The following RAB3C variants were observed in gnomAD, a reference collection of about 807,000 sequenced individuals.
RAB3C encodes RAB3C, member RAS oncogene family.
RAB3C carries 17 observed loss-of-function variants against 26.4 expected under a neutral mutation model. The observed-to-expected ratio is 0.64, with a 90% confidence interval of 0.44 to 0.97. The LOEUF is 0.97. Ranked by LOEUF, RAB3C falls within the 50% of genes least tolerant of loss-of-function variation. The probability of loss-of-function intolerance (pLI) is 0.00; values close to 1 mark genes in which losing one functional copy is unlikely to be tolerated. For synonymous variants in RAB3C, 91 were observed against 95.9 expected (o/e 0.95, Z 0.30); for missense variants, 242 against 281.9 (o/e 0.86, Z 1.01).
chr5:58,620,789 T>A (rs1032928739), intron 2 of RAB3C, among the ~76,000 whole-genome samples: 2 of 152,150 alleles, frequency 1.3e-5, no homozygotes, highest in Non-Finnish European at 1.5e-5. Flanking sequence ...TGGTGGTTAT[T>A]TTTTTTGAAA....
chr5:58,597,192 TATA>T (rs1746327647), intron 1 of RAB3C, among the ~76,000 whole-genome samples: 3 of 97,742 alleles, frequency 3.1e-5, no homozygotes, highest in South Asian at 3.4e-4. Context: ...TAATATATTA[TATA>T]ATAATATATA....
chr5:58,714,437 G>A (rs564761255), intron 2 of RAB3C, among the ~76,000 whole-genome samples: 104 of 152,076 alleles, frequency 6.8e-4, no homozygotes, highest in African/African-American at 9.4e-4. Context: ...ATTTATTACC[G>A]GCAGACCTTC....
intron 1 of RAB3C, among the ~76,000 whole-genome samples, chr5:58,594,440 G>A (rs1029403610): frequency 4.6e-5 from 7 of 152,168 alleles, no homozygotes; most frequent in African/African-American, 1.7e-4. Context: ...GGGTGGGTTT[G>A]TTCTTTGTAA....
chr5:58,693,192 A>G (rs1394205530), intron 2 of RAB3C, among the ~76,000 whole-genome samples: 2 of 146,776 alleles, frequency 1.4e-5, no homozygotes, highest in Non-Finnish European at 3.0e-5. Flanking sequence ...AGATAAGTTT[A>G]TAATTATATA....
chr5:58,596,883 A>T (rs976011797), intron 1 of RAB3C, among the ~76,000 whole-genome samples: 49 of 97,984 alleles, frequency 5.0e-4, no homozygotes, highest in Middle Eastern at 0.014. Flanking sequence ...AATATATAAT[A>T]CATAATATAT....
At chr5:58,822,883 G>T (rs1241669866) in intron 3 of RAB3C, 2 of 639,446 alleles carry the variant, frequency 3.1e-6, no homozygotes, top group Non-Finnish European at 5.9e-6. Flanking sequence ...AAGTGGAGAT[G>T]ACTGGAGATT....
chr5:58,584,643 A>G (rs1231277083), intron 1 of RAB3C, among the ~76,000 whole-genome samples: 1 of 152,192 alleles, frequency 6.6e-6, no homozygotes, highest in African/African-American at 2.4e-5. Flanking sequence ...GTAGACTTTA[A>G]AAGTAGATCA....
At chr5:58,849,588 C>G (rs1028018301) in intron 4 of RAB3C, among the ~76,000 whole-genome samples, 3 of 152,006 alleles carry the variant, frequency 2.0e-5, no homozygotes, top group African/African-American at 7.3e-5. Flanking sequence ...TCCAGAGAGA[C>G]AAAAGGAAAG....
intron 1 of RAB3C, among the ~76,000 whole-genome samples, chr5:58,587,660 C>A (rs566347707): frequency 1.1e-3 from 174 of 152,264 alleles, no homozygotes; most frequent in African/African-American, 3.9e-3. Context: ...GTAACACACA[C>A]CATTATAAAG....
At chr5:58,730,248 T>A (rs990405057) in intron 3 of RAB3C, among the ~76,000 whole-genome samples, 1 of 151,912 alleles carries the variant, frequency 6.6e-6, no homozygotes, top group Non-Finnish European at 1.5e-5. Context: ...TAGCACAAAA[T>A]GGATATTTTA....
Position 58,852,622 on chromosome 5 carries a change from A to T in RAB3C, c.*1271A>T, listed in dbSNP as rs1744137883. ...CCATAGCAATTTAAAAGAGGGAGGA[A>T]ACCACTGGAGCATTCTAATTTTGTA... is the stretch of plus-strand genomic sequence containing the variant. On this transcript the variant is annotated 3_prime_UTR_variant, in exon 5 of 5. Coordinates refer to ENST00000282878, the MANE Select transcript of RAB3C (RefSeq NM_138453.4). The T allele has an allele frequency of 6.6e-6, 1 of 152,158 alleles. No individual in the cohort carries two copies. Among genetic ancestry groups the T allele is most frequent in the Non-Finnish European group, 1.5e-5 (1 of 68,032 alleles). The allele number at this position is 152,158 out of a possible 1,614,324, so 9.4% of individuals were successfully genotyped here. A position where few individuals can be genotyped will look rare whatever the true frequency, so the allele number is the denominator to read the frequency against.
chr5:58,758,084 G>A (rs1271911883), intron 3 of RAB3C, among the ~76,000 whole-genome samples: 1 of 152,138 alleles, frequency 6.6e-6, no homozygotes, highest in Non-Finnish European at 1.5e-5. Context: ...TGGGACTACA[G>A]GTGCCCACCA....
intron 4 of RAB3C, among the ~76,000 whole-genome samples, chr5:58,829,629 C>T (rs991031570): frequency 3.9e-5 from 6 of 152,102 alleles, no homozygotes; most frequent in African/African-American, 1.4e-4. Flanking sequence ...TGTAAGGAGC[C>T]AATTTTAAAG....
At chr5:58,715,719 A>G (rs1472273018) in intron 2 of RAB3C, among the ~76,000 whole-genome samples, 1 of 152,168 alleles carries the variant, frequency 6.6e-6, no homozygotes, top group African/African-American at 2.4e-5. Context: ...AATTGTGAAG[A>G]AAGTGTAGTA....
chr5:58,707,113 T>A lies in RAB3C; in HGVS notation c.253-18889T>A, dbSNP rs1231770723. 2.0e-5 allele frequency among the ~76,000 whole-genome samples: 3 copies of A among 152,332 alleles called. No individual in the cohort carries two copies. The South Asian group carries it at 6.2e-4, about 32-fold the overall frequency. ...TTGGAAGGCCATAGCAGTAATCTTA[T>A]TTCCATTTCTGGAAAAAAGATGATA... is the stretch of plus-strand genomic sequence containing the variant. On this transcript the variant is annotated intron_variant, in intron 2 of 4. Transcript: ENST00000282878.
intron 2 of RAB3C, among the ~76,000 whole-genome samples, chr5:58,624,568 A>G: frequency 6.6e-6 from 1 of 152,184 alleles, no homozygotes; most frequent in East Asian, 1.9e-4. Context: ...GCCCACTTGG[A>G]AGGTACCCAA....
intron 3 of RAB3C, among the ~76,000 whole-genome samples, chr5:58,761,061 T>TCACACACA (rs769194224): frequency 0.32 from 39,653 of 125,662 alleles, 5,472 homozygotes; most frequent in Middle Eastern, 0.46. Flanking sequence ...TCTCTCTCTC[T>TCACACACA]CTCACACACA....
intron 1 of RAB3C, among the ~76,000 whole-genome samples, chr5:58,587,964 G>C (rs1223976915): frequency 3.9e-5 from 6 of 152,094 alleles, no homozygotes; most frequent in Non-Finnish European, 8.8e-5. Flanking sequence ...ATATGTTCTT[G>C]TTTGAGTCTG....
chr5:58,729,560 A>G (rs1198866772), intron 3 of RAB3C, among the ~76,000 whole-genome samples: 3 of 151,154 alleles, frequency 2.0e-5, no homozygotes, highest in Non-Finnish European at 4.4e-5. Context: ...AGTTTCATCC[A>G]TATTGTAGCA....
Sources: allele counts gnomAD v4.1 joint callset (sites outside exome capture counted in the v4.1 genomes callset), GRCh38; gene constraint gnomAD v4.1.1; transcripts MANE v1.5; gene names NCBI Gene and HGNC (gene_info 2026-07-23, HGNC 2026-07-21).